Variants in KCNK2 observed in about 807,000 individuals in gnomAD.
KCNK2 encodes the protein potassium channel subfamily K member 2.
In KCNK2, 21 loss-of-function variants were observed where a neutral mutation model predicts 40.5. The observed-to-expected ratio is 0.52, with a 90% CI of 0.37 to 0.75. The LOEUF (loss-of-function observed/expected upper bound fraction) is 0.75, where lower values mean the gene tolerates loss of function less well. KCNK2 is among the 30% of genes least tolerant of loss of function. The pLI is 0.00. For synonymous variants in KCNK2, 191 were observed against 202.2 expected, an observed-to-expected ratio of 0.94 and a Z score of 0.47; for missense variants, 399 against 531.6, an observed-to-expected ratio of 0.75 and a Z score of 2.45.
intron 1 of KCNK2, among the ~76,000 whole-genome samples, chr1:215,055,115 C>G (rs78522233): frequency 0.011 from 1,748 of 152,232 alleles, 43 homozygotes; most frequent in South Asian, 0.1. Context: ...CCTTGAATAA[C>G]TAGTTTGTGT....
At chr1:215,208,250 C>A (rs910576819) in intron 6 of KCNK2, among the ~76,000 whole-genome samples, 1 of 151,996 alleles carries the variant, frequency 6.6e-6, no homozygotes, top group Non-Finnish European at 1.5e-5. Flanking sequence ...AGCAAACTAA[C>A]GCAGGAACAG....
chr1:215,195,127 T>G, intron 6 of KCNK2, 35 bp downstream of exon 6: 1 of 1,468,996 alleles, frequency 6.8e-7, no homozygotes, highest in Non-Finnish European at 9.3e-7. Context: ...AACTTCTATT[T>G]AGTTAATTCA....
At chr1:215,097,325 C>T (rs553712629) in intron 2 of KCNK2, among the ~76,000 whole-genome samples, 6 of 151,800 alleles carry the variant, frequency 4.0e-5, no homozygotes, top group African/African-American at 9.7e-5. Flanking sequence ...GACTTACAGA[C>T]GTGTGCTTCT....
intron 1 of KCNK2, among the ~76,000 whole-genome samples, chr1:215,060,579 A>G (rs1415408233): frequency 1.3e-5 from 2 of 152,206 alleles, no homozygotes; most frequent in African/African-American, 4.8e-5. Context: ...CATGCCATGT[A>G]GGAGGTGAGG....
intron 1 of KCNK2, among the ~76,000 whole-genome samples, chr1:215,073,950 G>A (rs1260708246): frequency 6.6e-6 from 1 of 152,122 alleles, no homozygotes; most frequent in East Asian, 1.9e-4. Flanking sequence ...GCTAGTGCGG[G>A]ATTTTAATGA....
At chr1:215,167,789 C>T (rs1013052209) in intron 3 of KCNK2, among the ~76,000 whole-genome samples, 1 of 151,858 alleles carries the variant, frequency 6.6e-6, no homozygotes, top group African/African-American at 2.4e-5. Context: ...GCTTTATAGT[C>T]AACAGGATTA....
intron 3 of KCNK2, among the ~76,000 whole-genome samples, chr1:215,135,531 T>G (rs866819790): frequency 3.3e-5 from 5 of 152,040 alleles, no homozygotes; most frequent in Middle Eastern, 3.4e-3. Flanking sequence ...TAAAATTGAT[T>G]GTTTCTTATA....
At chr1:215,123,657 G>A (rs1661294657) in intron 2 of KCNK2, among the ~76,000 whole-genome samples, 1 of 152,084 alleles carries the variant, frequency 6.6e-6, no homozygotes, top group South Asian at 2.1e-4. Flanking sequence ...CCAGCAAACT[G>A]TGTAACCTTA....
At chr1:215,044,701 A>G (rs557898318) in intron 1 of KCNK2, among the ~76,000 whole-genome samples, 2 of 152,198 alleles carry the variant, frequency 1.3e-5, no homozygotes, top group African/African-American at 4.8e-5. Flanking sequence ...ACAAATTGAT[A>G]CCATTTTATG....
chr1:215,202,580 G>T (rs1665124973), intron 6 of KCNK2, among the ~76,000 whole-genome samples: 1 of 152,136 alleles, frequency 6.6e-6, no homozygotes, highest in Non-Finnish European at 1.5e-5. Flanking sequence ...GTATTATGTT[G>T]CATGTATGAA....
Position 215,169,284 on chromosome 1 carries a change from T to A in KCNK2, c.561T>A (p.Phe187Leu). 1 of 1,613,480 alleles carries A rather than the reference T, an allele frequency of 6.2e-7. No homozygotes were observed. Among genetic ancestry groups the A allele is most frequent in the Non-Finnish European group, 8.5e-7 (1 of 1,179,620 alleles). The change falls in exon 4 of 7, where the codon TTT (phenylalanine) becomes TTA (leucine). Residue 187 changes from phenylalanine to leucine, a missense_variant. By Grantham distance (22) the Phe-to-Leu change is conservative. This residue lies in a region of KCNK2 where 279 missense variants were observed against 353.8 expected (regional missense o/e 0.79). Transcript: ENST00000444842. ...TACTGGGAATTCCCCTCTTTGGTTT[T>A]CTCTTGGCTGGAGTTGGAGATCAGC... is the stretch of plus-strand genomic sequence containing the variant. ...YALLGIPLFGFLLAGVGDQLG... is the reference protein window; with the variant it reads ...YALLGIPLFGLLLAGVGDQLG...
chr1:215,155,608 C>T (rs906130993), intron 3 of KCNK2, among the ~76,000 whole-genome samples: 2 of 152,132 alleles, frequency 1.3e-5, no homozygotes, highest in Non-Finnish European at 2.9e-5. Context: ...CAACCTCTGC[C>T]TCCTGGGTTC....
At chr1:215,209,379 TA>T (rs1296407745) in intron 6 of KCNK2, among the ~76,000 whole-genome samples, 1 of 46,412 alleles carries the variant, frequency 2.2e-5, no homozygotes, top group South Asian at 5.0e-4. Flanking sequence ...ATATTATATA[TA>T]AAATATATAT....
At chr1:215,182,169 G>T (rs1353291561) in intron 5 of KCNK2, among the ~76,000 whole-genome samples, 1 of 151,966 alleles carries the variant, frequency 6.6e-6, no homozygotes, top group Non-Finnish European at 1.5e-5. Flanking sequence ...TGCTGAACCA[G>T]GCAAACAGAT....
chr1:215,147,760 A>G (rs1662492053), intron 3 of KCNK2, among the ~76,000 whole-genome samples: 1 of 152,104 alleles, frequency 6.6e-6, no homozygotes. Context: ...GCTTGAACTC[A>G]GGAAATGGAA....
intron 2 of KCNK2, among the ~76,000 whole-genome samples, chr1:215,091,565 T>C (rs917671696): frequency 6.6e-6 from 1 of 152,210 alleles, no homozygotes; most frequent in Non-Finnish European, 1.5e-5. Context: ...CTGTGTACAT[T>C]GTCCTAAGTG....
intron 5 of KCNK2, among the ~76,000 whole-genome samples, chr1:215,187,632 T>TAAAA (rs1051500907): frequency 6.6e-6 from 1 of 152,056 alleles, no homozygotes; most frequent in African/African-American, 2.4e-5. Context: ...AAATTTCTTT[T>TAAAA]CAAGGCTGGT....
Position 215,032,045 on chromosome 1 carries a change from C to T in KCNK2, c.34+26090C>T, listed in dbSNP as rs1316589962. 2.0e-5 allele frequency among the ~76,000 whole-genome samples: 3 copies of T among 151,390 alleles called. No individual in the cohort carries two copies. The East Asian group carries it at 5.8e-4, about 29-fold the overall frequency. On this transcript the variant is annotated intron_variant, in intron 1 of 6. Transcript: ENST00000391895. ...GCACATAAGCATACACAATCGAGTA[C>T]AGTATATTGATGCTATTATTATTTT...
At chr1:215,128,463 C>G (rs1661531014) in intron 3 of KCNK2, among the ~76,000 whole-genome samples, 1 of 152,132 alleles carries the variant, frequency 6.6e-6, no homozygotes, top group African/African-American at 2.4e-5. Context: ...TGCTTGCAAT[C>G]TCATTTGGGA....
Sources: allele counts gnomAD v4.1 joint callset (sites outside exome capture counted in the v4.1 genomes callset), GRCh38; gene constraint gnomAD v4.1.1; regional missense constraint gnomAD v4.1.1; transcripts MANE v1.5; gene names NCBI Gene and HGNC (gene_info 2026-07-23, HGNC 2026-07-21).